Variants in TET1 observed in about 807,000 individuals in gnomAD.
TET1 encodes tet methylcytosine dioxygenase 1, also known as methylcytosine dioxygenase TET1.
TET1 carries 13 observed loss-of-function variants against 148.7 expected under a neutral mutation model. That is an observed-to-expected ratio of 0.09 (90% CI 0.06 to 0.14). The LOEUF is 0.14. Among genes scored for constraint, TET1 ranks in the 10% least tolerant of loss-of-function variants. The pLI is 1.00. For missense variants in TET1, 2,182 were observed against 2,553.8 expected (o/e 0.85, Z 3.14); for synonymous variants, 907 against 937.2 (o/e 0.97, Z 0.59).
chr10:68,639,447 AC>A (rs1564984304), intron 3 of TET1, among the ~76,000 whole-genome samples: 8 of 130,916 alleles, frequency 6.1e-5, no homozygotes, highest in Admixed American at 1.6e-4. Flanking sequence ...TATTATTATT[AC>A]TACTACTACT....
At chr10:68,680,412 C>G (rs2055420274) in intron 8 of TET1, among the ~76,000 whole-genome samples, 1 of 152,206 alleles carries the variant, frequency 6.6e-6, no homozygotes, top group African/African-American at 2.4e-5. Flanking sequence ...TTGATATCAT[C>G]TCTTGATCTG....
intron 1 of TET1, among the ~76,000 whole-genome samples, chr10:68,565,606 C>T (rs2053600045): frequency 6.6e-6 from 1 of 151,580 alleles, no homozygotes; most frequent in Non-Finnish European, 1.5e-5. Context: ...AAATTAATTT[C>T]TGGAGGTCTT....
intron 3 of TET1, among the ~76,000 whole-genome samples, chr10:68,616,655 C>T (rs943670378): frequency 4.6e-5 from 7 of 152,174 alleles, no homozygotes; most frequent in African/African-American, 1.7e-4. Context: ...CTCGATTCAG[C>T]CTCCAAAATT....
At position 68,646,148 on chromosome 10, in the gene TET1, C is replaced by A. The variant is rs1295885705; in HGVS notation, c.3419C>A (p.Thr1140Lys). ...SVHNNHGSSL[T>K]KQKNPTQKKT... Reference sequence around the variant, plus strand: ...CACAATAATCATGGTTCATCATTAACAAAACAAAAGAACCCAACCCAGAAA... The same window carrying A: ...CACAATAATCATGGTTCATCATTAAAAAAACAAAAGAACCCAACCCAGAAA... Residue 1140 changes from threonine (T) to lysine (K), a missense_variant, in exon 4 of 12, where the codon ACA (threonine) becomes AAA (lysine). Thr to Lys is a moderately conservative substitution (Grantham distance 78, BLOSUM62 -1). This residue lies in a region of TET1 where 582 missense variants were observed against 599.5 expected (regional missense o/e 0.97). Coordinates refer to ENST00000373644, the MANE Select transcript of TET1 (RefSeq NM_030625.3). The A allele has an allele frequency of 6.2e-7, 1 of 1,612,872 alleles. No individual in the cohort carries two copies. The highest frequency in any genetic ancestry group is 8.5e-7 in the Non-Finnish European group (1 of 1,179,812).
Position 68,672,939 on chromosome 10 carries a change from C to G in TET1, c.4718C>G (p.Ala1573Gly). The change falls in exon 8 of 12, where the codon GCT becomes GGT. Residue 1573 changes from alanine to glycine, a missense_variant. Around this residue, in one of 11 missense-constraint regions of TET1, gnomAD observed 55 missense variants for 149.8 expected, o/e 0.37. Transcript: ENST00000373644. Reference protein sequence around the residue: ...CQGIDPETCGASFSFGCSWSM... With the variant: ...CQGIDPETCGGSFSFGCSWSM... ...GGAATTGATCCAGAGACTTGTGGAG[C>G]TTCATTCTCTTTTGGCTGTTCATGG... is the stretch of plus-strand genomic sequence containing the variant. 1 of 1,610,652 alleles carries G rather than the reference C, an allele frequency of 6.2e-7. No individual in the cohort carries two copies. Among genetic ancestry groups the G allele is most frequent in the Non-Finnish European group, 8.5e-7 (1 of 1,177,564 alleles).
At chr10:68,640,146 T>C (rs2054722620) in intron 3 of TET1, among the ~76,000 whole-genome samples, 1 of 152,060 alleles carries the variant, frequency 6.6e-6, no homozygotes. Context: ...AGGCTGGTCT[T>C]GAACTCCTGA....
intron 6 of TET1, among the ~76,000 whole-genome samples, chr10:68,658,104 A>T (rs1468857096): frequency 6.6e-6 from 1 of 152,148 alleles, no homozygotes; most frequent in Non-Finnish European, 1.5e-5. Flanking sequence ...ATCTATATCA[A>T]GCATCGTTTC....
intron 2 of TET1, among the ~76,000 whole-genome samples, chr10:68,591,946 A>G (rs1176478657): frequency 5.3e-5 from 8 of 151,946 alleles, no homozygotes; most frequent in Admixed American, 5.3e-4. Context: ...AAAACAGCCT[A>G]CATAATATCC....
rs558796990 is a variant in TET1, at chr10:68,608,765, A to T, written c.1968+7731A>T. Among the ~76,000 whole-genome samples the T allele has an allele frequency of 5.3e-5, 8 of 151,992 alleles. 1 individual carries two copies. In the South Asian group the frequency reaches 1.7e-3, roughly 32 times the overall value. On this transcript the variant is annotated intron_variant, in intron 3 of 11. Transcript: ENST00000373644. ...TGGCCAGGCTGGCCGCCAACTCCTG[A>T]CCTCAGGTGATCCGCCTACCTCAGC...
At chr10:68,665,572 T>A (rs979232786) in intron 6 of TET1, among the ~76,000 whole-genome samples, 21 of 152,082 alleles carry the variant, frequency 1.4e-4, no homozygotes, top group African/African-American at 5.1e-4. Context: ...ACTTGGAATA[T>A]CCAGAAAAGG....
chr10:68,563,431 C>G (rs1359130338), intron 1 of TET1, among the ~76,000 whole-genome samples: 2 of 152,198 alleles, frequency 1.3e-5, no homozygotes, highest in Non-Finnish European at 2.9e-5. Flanking sequence ...AGTGCAAGAG[C>G]CTTTAAGTTC....
At position 68,690,641 on chromosome 10, in the gene TET1, T is replaced by G. The variant is rs188758531; in HGVS notation, c.5405-167T>G. ...AAAAATTATACAAAACTACATAAAATTTTTAATTCGTGTTTGTGATTTGAA... is the reference window on the plus strand; with the variant it reads ...AAAAATTATACAAAACTACATAAAAGTTTTAATTCGTGTTTGTGATTTGAA... On this transcript the variant is annotated intron_variant, in intron 11 of 11. Transcript: ENST00000373644. 3.9e-5 allele frequency among the ~76,000 whole-genome samples: 6 copies of G among 152,336 alleles called. No individual in the cohort carries two copies. In the East Asian group the frequency reaches 1.2e-3, roughly 29 times the overall value.
chr10:68,572,259 A>G lies in TET1; in HGVS notation c.-80A>G. ...CTGAGCTGAAGAGCAGTGCATCCAG[A>G]TTCTCCTCAGAAGTGAGACTTTCCA... On this transcript the variant is annotated 5_prime_UTR_variant, in exon 2 of 12. Coordinates refer to ENST00000373644, the MANE Select transcript of TET1 (RefSeq NM_030625.3). 8.0e-7 allele frequency: 1 copy of G among 1,255,842 alleles called. No individual in the cohort carries two copies. The highest frequency in any genetic ancestry group is 1.1e-6 in the Non-Finnish European group (1 of 915,524). 77.8% of individuals were successfully genotyped at this position (1,255,842 alleles called of 1,614,324 possible).
At chr10:68,676,667 C>T (rs919457643) in intron 8 of TET1, among the ~76,000 whole-genome samples, 9 of 151,410 alleles carry the variant, frequency 5.9e-5, no homozygotes, top group Admixed American at 1.3e-4. Context: ...TGCCCTCCTC[C>T]GCCTCCCAAA....
rs12257851 is a variant in TET1, at chr10:68,598,531, C to A, written c.1915-2450C>A. On this transcript the variant is annotated intron_variant, in intron 2 of 11. Coordinates refer to ENST00000373644, the MANE Select transcript of TET1 (RefSeq NM_030625.3). ...TATTTGATTATTTTTCTGCCAGTTT[C>A]AATGCTGCTTTATTCCTCACAGAGA... Among the ~76,000 whole-genome samples, 564 of 152,206 alleles carry A rather than the reference C, an allele frequency of 3.7e-3. 4 individuals are homozygous for A. Among genetic ancestry groups the A allele is most frequent in the African/African-American group, 0.013 (535 of 41,516 alleles).
In TET1 at chr10:68,572,278, C is replaced by A; in HGVS notation, c.-61C>A. 7.0e-7 allele frequency: 1 copy of A among 1,432,738 alleles called. No homozygotes were observed. Among genetic ancestry groups the A allele is most frequent in the Non-Finnish European group, 9.4e-7 (1 of 1,067,504 alleles). The allele number at this position is 1,432,738 out of a possible 1,614,324, so 88.8% of individuals were successfully genotyped here. ...ATCCAGATTCTCCTCAGAAGTGAGACTTTCCAAAGGACCAATGACTCTGTT... is the reference window on the plus strand; with the variant it reads ...ATCCAGATTCTCCTCAGAAGTGAGAATTTCCAAAGGACCAATGACTCTGTT... On this transcript the variant is annotated 5_prime_UTR_variant, in exon 2 of 12. Coordinates refer to ENST00000373644, the MANE Select transcript of TET1 (RefSeq NM_030625.3).
chr10:68,607,224 T>C (rs983247751), intron 3 of TET1, among the ~76,000 whole-genome samples: 2 of 152,116 alleles, frequency 1.3e-5, no homozygotes, highest in African/African-American at 4.8e-5. Flanking sequence ...AACATATGCC[T>C]TGTATCCTGA....
At chr10:68,632,454 C>G (rs1243037297) in intron 3 of TET1, 1 of 1,612,406 alleles carries the variant, frequency 6.2e-7, no homozygotes, top group African/African-American at 1.3e-5. Flanking sequence ...AAAATACTCC[C>G]TGCGCCCGGC....
rs1378759557 is a variant in TET1, at chr10:68,694,440, T to C, written c.*2626T>C. ...ACTGCTTTTAGAATGCTCTTTCTCA[T>C]GAAGCAAGGAAATAAATTTGTTTGA... On this transcript the variant is annotated 3_prime_UTR_variant, in exon 12 of 12. Coordinates refer to ENST00000373644, the MANE Select transcript of TET1 (RefSeq NM_030625.3). 4.3e-6 allele frequency: 1 copy of C among 232,228 alleles called. No individual in the cohort carries two copies. Among genetic ancestry groups the C allele is most frequent in the Non-Finnish European group, 8.5e-6 (1 of 117,470 alleles). 14.4% of individuals were successfully genotyped at this position (232,228 alleles called of 1,614,324 possible).
Sources: gnomAD v4.1 joint callset for allele counts (sites outside exome capture counted in the v4.1 genomes callset) on GRCh38, gnomAD v4.1.1 for gene constraint, gnomAD v4.1.1 regional missense constraint, MANE v1.5 for transcripts, NCBI Gene and HGNC (gene_info 2026-07-23, HGNC 2026-07-21) for gene names.